The following CDH22 variants were observed in gnomAD, a reference collection of about 807,000 sequenced individuals.
CDH22 encodes the protein cadherin-22.
Under a neutral mutation model 58.4 loss-of-function variants are expected in CDH22, and 30 were observed. The observed-to-expected ratio is 0.51, with a 90% CI of 0.38 to 0.70. The LOEUF is 0.70. CDH22 is among the 30% of genes least tolerant of loss of function. The pLI is 0.00. For missense variants in CDH22, 1,014 were observed against 1,233.9 expected (o/e 0.82, Z 2.67); for synonymous variants, 513 against 558.2 (o/e 0.92, Z 1.14).
At chr20:46,201,238 G>A (rs902588561) in intron 7 of CDH22, among the ~76,000 whole-genome samples, 2 of 152,242 alleles carry the variant, frequency 1.3e-5, no homozygotes, top group Admixed American at 6.5e-5. Context: ...GTAAGGAGGG[G>A]CCCCTGCGCA....
chr20:46,269,148 G>A (rs1475987095), intron 1 of CDH22, among the ~76,000 whole-genome samples: 1 of 152,200 alleles, frequency 6.6e-6, no homozygotes, highest in Non-Finnish European at 1.5e-5. Context: ...TCTGCAAACT[G>A]ATCTTTCATG....
chr20:46,188,237 G>A (rs1294370652), intron 8 of CDH22, among the ~76,000 whole-genome samples: 3 of 152,196 alleles, frequency 2.0e-5, no homozygotes, highest in Non-Finnish European at 4.4e-5. Flanking sequence ...CTTCTCTGAT[G>A]TCAGTTTCCA....
intron 1 of CDH22, among the ~76,000 whole-genome samples, chr20:46,268,722 C>G (rs1477113569): frequency 6.6e-6 from 1 of 152,204 alleles, no homozygotes; most frequent in Non-Finnish European, 1.5e-5. Context: ...GCTTCAGGGG[C>G]CAAGGCCGAG....
At chr20:46,228,411 A>G (rs1317599709) in intron 3 of CDH22, among the ~76,000 whole-genome samples, 1 of 152,212 alleles carries the variant, frequency 6.6e-6, no homozygotes, top group Non-Finnish European at 1.5e-5. Flanking sequence ...AAGTCCATCA[A>G]ACAGTGGCAA....
chr20:46,261,675 C>T (rs1409239878), intron 1 of CDH22, among the ~76,000 whole-genome samples: 4 of 152,144 alleles, frequency 2.6e-5, no homozygotes, highest in African/African-American at 7.2e-5. Context: ...CCACTGAGTC[C>T]CAGCGGCACT....
chr20:46,220,466 G>C (rs1411992917), intron 4 of CDH22: 1 of 153,016 alleles, frequency 6.5e-6, no homozygotes, highest in Non-Finnish European at 1.5e-5. Flanking sequence ...GGGGATCCCA[G>C]GTGGAAAGGT....
chr20:46,250,446 A>T (rs1600716513), intron 2 of CDH22, among the ~76,000 whole-genome samples: 1 of 152,184 alleles, frequency 6.6e-6, no homozygotes, highest in East Asian at 1.9e-4. Flanking sequence ...TTTCTCTGAG[A>T]AAGTGGCATT....
intron 1 of CDH22, among the ~76,000 whole-genome samples, chr20:46,297,026 G>T (rs2086631943): frequency 6.6e-6 from 1 of 152,130 alleles, no homozygotes; most frequent in South Asian, 2.1e-4. Context: ...CCAAATCCAG[G>T]GGCTTCTTTC....
chr20:46,297,895 C>T (rs1349069349), intron 1 of CDH22, among the ~76,000 whole-genome samples: 2 of 152,100 alleles, frequency 1.3e-5, no homozygotes, highest in Non-Finnish European at 2.9e-5. Context: ...GTCTCCTTGG[C>T]TTACACAGCC....
At chr20:46,179,316 G>C (rs1476809317) in intron 10 of CDH22, among the ~76,000 whole-genome samples, 1 of 152,184 alleles carries the variant, frequency 6.6e-6, no homozygotes, top group East Asian at 1.9e-4. Context: ...TCTAATCTGA[G>C]AGCCAGATCT....
At chr20:46,271,139 C>CAGGGTG (rs1381556677) in intron 1 of CDH22, among the ~76,000 whole-genome samples, 1 of 152,230 alleles carries the variant, frequency 6.6e-6, no homozygotes, top group Non-Finnish European at 1.5e-5. Context: ...CCTGCTGGGA[C>CAGGGTG]CACCCTGGGC....
At chr20:46,273,764 GA>G (rs1476779470) in intron 1 of CDH22, among the ~76,000 whole-genome samples, 1 of 152,220 alleles carries the variant, frequency 6.6e-6, no homozygotes, top group Non-Finnish European at 1.5e-5. Flanking sequence ...ACCGGGTTGT[GA>G]AAGGACTCAC....
At chr20:46,271,568 G>T (rs2086489241) in intron 1 of CDH22, among the ~76,000 whole-genome samples, 2 of 151,694 alleles carry the variant, frequency 1.3e-5, no homozygotes, top group South Asian at 2.1e-4. Flanking sequence ...TCAGCCCACT[G>T]CCATCTGGCT....
At chr20:46,227,439 T>C in intron 4 of CDH22, 69 bp downstream of exon 4, 1 of 1,386,550 alleles carries the variant, frequency 7.2e-7, no homozygotes, top group East Asian at 2.5e-5. Flanking sequence ...ACGTCTGGGG[T>C]GGTCCTCGTC....
At chr20:46,217,325 C>G (rs1298880586) in intron 4 of CDH22, among the ~76,000 whole-genome samples, 2 of 152,148 alleles carry the variant, frequency 1.3e-5, no homozygotes, top group Non-Finnish European at 2.9e-5. Context: ...CACAGATGTA[C>G]ACACATGCTC....
At chr20:46,197,081 T>C (rs1299690008) in intron 8 of CDH22, among the ~76,000 whole-genome samples, 1 of 151,908 alleles carries the variant, frequency 6.6e-6, no homozygotes, top group Non-Finnish European at 1.5e-5. Context: ...GGGGTGGGGC[T>C]CAGACAGCAG....
chr20:46,266,945 A>G (rs1314069679), intron 1 of CDH22, among the ~76,000 whole-genome samples: 2 of 149,740 alleles, frequency 1.3e-5, no homozygotes, highest in African/African-American at 4.9e-5. Context: ...CACATGTTCT[A>G]ATAGGGTGCT....
intron 1 of CDH22, among the ~76,000 whole-genome samples, chr20:46,260,474 C>T (rs1305746865): frequency 1.3e-5 from 2 of 152,192 alleles, no homozygotes; most frequent in African/African-American, 2.4e-5. Context: ...GGCAAACTTC[C>T]GAAGGACAAA....
chr20:46,210,345 C>T lies in CDH22; in HGVS notation c.1248G>A (p.Val416=). 2 of 1,466,404 alleles carry T rather than the reference C, an allele frequency of 1.4e-6. No homozygotes were observed. The highest frequency in any genetic ancestry group is 1.3e-5 in the South Asian group (1 of 76,446). The allele number at this position is 1,466,404 out of a possible 1,614,324, so 90.8% of individuals were successfully genotyped here. Residue 416 remains valine (V), a synonymous_variant, in exon 7 of 12, where the codon GTG becomes GTA. Coordinates refer to ENST00000537909, the MANE Select transcript of CDH22 (RefSeq NM_021248.3). This position sits in a 1 kb window ranked among gnomAD's most constrained non-coding sequence, Gnocchi z 4.5. ...TGGCGGCGTCGGGGTCCCGCGCCGT[C>T]ACCACGCCGACCAGGGAGCCCACCT... is the stretch of plus-strand genomic sequence containing the variant. The part of the protein sequence containing the change: ...DAQVGSLVGV[V]TARDPDAANR...
Sources: allele counts gnomAD v4.1 joint callset (sites outside exome capture counted in the v4.1 genomes callset), GRCh38; gene constraint gnomAD v4.1.1; non-coding constraint Gnocchi (gnomAD v3.1); transcripts MANE v1.5; gene names NCBI Gene and HGNC (gene_info 2026-07-23, HGNC 2026-07-21).